ARF5: variants seen among roughly 807,000 people sequenced by gnomAD.
ARF5 encodes the protein ARF GTPase 5, also known as ADP-ribosylation factor 5.
Under a neutral mutation model 24.8 loss-of-function variants are expected in ARF5, and 10 were observed. That is an observed-to-expected ratio of 0.40 (90% CI 0.25 to 0.68). The LOEUF (loss-of-function observed/expected upper bound fraction) is 0.68, where lower values mean the gene tolerates loss of function less well. Among genes scored for constraint, ARF5 ranks in the 30% least tolerant of loss-of-function variants. The probability of loss-of-function intolerance (pLI) is 0.36; values close to 1 mark genes in which losing one functional copy is unlikely to be tolerated. For missense variants in ARF5, 135 were observed against 239.2 expected, an observed-to-expected ratio of 0.56 and a Z score of 2.87; for synonymous variants, 102 against 95.1, an observed-to-expected ratio of 1.07 and a Z score of -0.42.
intron 2 of ARF5, 49 bp downstream of exon 2, chr7:127,589,212 G>C: frequency 6.3e-7 from 1 of 1,594,992 alleles, no homozygotes; most frequent in Non-Finnish European, 8.6e-7. Flanking sequence ...GCGGGCCCTC[G>C]CGGGGTCTGC....
intron 2 of ARF5, 135 bp from the exon 3 acceptor site, chr7:127,589,350 G>T (rs1423345156): frequency 1.9e-5 from 20 of 1,054,190 alleles, no homozygotes; most frequent in East Asian, 4.9e-5. Flanking sequence ...CCTGTTGACC[G>T]CCAGTTCTGG....
Position 127,590,138 on chromosome 7 carries a change from G to A in ARF5, c.330+1G>A. On this transcript the variant is annotated splice_donor_variant, in intron 4 of 5. Transcript: ENST00000000233. LOFTEE classifies it high-confidence loss of function. Reference sequence around the variant, plus strand: ...ATCTGCTGATGAACTCCAGAAGATGGTGAGTACCCAGAGCCCTGGGAACTG... The same window carrying A: ...ATCTGCTGATGAACTCCAGAAGATGATGAGTACCCAGAGCCCTGGGAACTG... 2 of 1,613,416 alleles carry A rather than the reference G, an allele frequency of 1.2e-6. No individual in the cohort carries two copies. The highest frequency in any genetic ancestry group is 2.2e-5 in the East Asian group (1 of 44,868).
Position 127,590,240 on chromosome 7 carries a change from G to A in ARF5, c.330+103G>A, listed in dbSNP as rs560618337. 11 of 928,464 alleles carry A rather than the reference G, an allele frequency of 1.2e-5. No homozygotes were observed. In the East Asian group the frequency reaches 2.7e-4, roughly 23 times the overall value. 57.5% of individuals were successfully genotyped at this position (928,464 alleles called of 1,614,324 possible). A position where few individuals can be genotyped will look rare whatever the true frequency, so the allele number is the denominator to read the frequency against. ...AGCCCCCAACAGGCATTGAAGACCA[G>A]GAATATAAGTTTTTCTTTGTGGACA... is the stretch of plus-strand genomic sequence containing the variant. On this transcript the variant is annotated intron_variant, in intron 4 of 5. Coordinates refer to ENST00000000233, the MANE Select transcript of ARF5 (RefSeq NM_001662.4).
In ARF5 at chr7:127,589,521, G is replaced by C; in HGVS notation, c.185G>C (p.Cys62Ser). The C allele has an allele frequency of 6.2e-7, 1 of 1,613,424 alleles. No homozygotes were observed. Among genetic ancestry groups the C allele is most frequent in the African/African-American group, 1.3e-5 (1 of 74,944 alleles). The change falls in exon 3 of 6, where the codon TGT becomes TCT. Residue 62 changes from cysteine to serine, a missense_variant. By Grantham distance (112) the Cys-to-Ser change is moderately radical (BLOSUM62 -1). This residue lies in a region of ARF5 where 102 missense variants were observed against 160.9 expected (regional missense o/e 0.63). Transcript: ENST00000000233. Reference protein sequence around the residue: ...NVETVEYKNICFTVWDVGGQD... With the variant: ...NVETVEYKNISFTVWDVGGQD... ...GAAACAGTGGAATATAAGAACATCT[G>C]TTTCACAGTCTGGGACGTGGGAGGC...
intron 2 of ARF5, 39 bp from the exon 3 acceptor site, chr7:127,589,446 T>A: frequency 1.3e-6 from 2 of 1,518,150 alleles, no homozygotes; most frequent in Non-Finnish European, 1.8e-6. Context: ...TTCCTTTCTT[T>A]CAGGAGTTTT....
chr7:127,589,302 T>G, intron 2 of ARF5, 139 bp downstream of exon 2: 1 of 1,137,736 alleles, frequency 8.8e-7, no homozygotes, highest in Non-Finnish European at 1.3e-6. Context: ...TATCTCTACG[T>G]GGATACCGGA....
intron 2 of ARF5, 29 bp downstream of exon 2, chr7:127,589,192 GA>G (rs1794248578): frequency 6.2e-7 from 1 of 1,612,878 alleles, no homozygotes; most frequent in African/African-American, 1.3e-5. Flanking sequence ...CAGGGAGCGG[GA>G]GCGCCGCGGC....
intron 4 of ARF5, 29 bp from the exon 5 acceptor site, chr7:127,590,934 G>T (rs1562954158): frequency 6.2e-7 from 1 of 1,603,186 alleles, no homozygotes; most frequent in Non-Finnish European, 8.5e-7. Flanking sequence ...GACGCAGCCT[G>T]GGTCCCACCT....
At chr7:127,589,850 A>G in intron 3 of ARF5, 1 of 608,974 alleles carries the variant, frequency 1.6e-6, no homozygotes, top group Non-Finnish European at 2.9e-6. Flanking sequence ...ATTTCCTTGC[A>G]CATCTTTGGA....
rs1426450500 is a variant in ARF5, at chr7:127,589,064, G to A, written c.68-19G>A. 10 of 1,614,050 alleles carry A rather than the reference G, an allele frequency of 6.2e-6. No homozygotes were observed. Among genetic ancestry groups the A allele is most frequent in the Non-Finnish European group, 8.5e-6 (10 of 1,179,894 alleles). Reference sequence around the variant, plus strand: ...CTCCCTCGCTCCCATCTCCATCCCTGTGCCCCTTTCCGTTGCAGTTGGCTT... The same window carrying A: ...CTCCCTCGCTCCCATCTCCATCCCTATGCCCCTTTCCGTTGCAGTTGGCTT... On this transcript the variant is annotated intron_variant, in intron 1 of 5. Coordinates refer to ENST00000000233, the MANE Select transcript of ARF5 (RefSeq NM_001662.4).
At chr7:127,590,436 A>G (rs954201681) in intron 4 of ARF5, among the ~76,000 whole-genome samples, 1 of 151,636 alleles carries the variant, frequency 6.6e-6, no homozygotes, top group African/African-American at 2.4e-5. Flanking sequence ...GGGTTCAAGC[A>G]ATTCTCCTGC....
rs1415810419 is a variant in ARF5, at chr7:127,588,462, C to T, written c.-37C>T. 13 of 1,396,050 alleles carry T rather than the reference C, an allele frequency of 9.3e-6. No homozygotes were observed. The South Asian group carries it at 1.2e-4, about 13-fold the overall frequency. 86.5% of individuals were successfully genotyped at this position (1,396,050 alleles called of 1,614,324 possible). ...GCGGCCGGCCAGTTCCAGCCCGCAC[C>T]CCGCGTCGGTGCCCGCGCCCCTCCC... On this transcript the variant is annotated 5_prime_UTR_variant, in exon 1 of 6. Transcript: ENST00000000233.
At chr7:127,589,240 T>C in intron 2 of ARF5, 77 bp downstream of exon 2, 1 of 1,511,140 alleles carries the variant, frequency 6.6e-7, no homozygotes, top group Non-Finnish European at 9.2e-7. Context: ...TCTGCCACTT[T>C]TCTGGAGCTG....
chr7:127,589,305 A>G, intron 2 of ARF5, 142 bp downstream of exon 2: 1 of 1,138,584 alleles, frequency 8.8e-7, no homozygotes, highest in Non-Finnish European at 1.3e-6. Flanking sequence ...CTCTACGTGG[A>G]TACCGGAGGC....
Position 127,591,104 on chromosome 7 carries a change from A to G in ARF5, c.456+16A>G, listed in dbSNP as rs1408900787. 2.9e-5 allele frequency: 47 copies of G among 1,613,510 alleles called. No individual in the cohort carries two copies. Among genetic ancestry groups the G allele is most frequent in the Non-Finnish European group, 4.0e-5 (47 of 1,179,794 alleles). On this transcript the variant is annotated intron_variant, in intron 5 of 5. Coordinates refer to ENST00000000233, the MANE Select transcript of ARF5 (RefSeq NM_001662.4). Reference sequence around the variant, plus strand: ...CAGCCGCACGGTAGGGGTCCTGCCCACCTGGTGCTGAATCCTGCCTCTTGA... The same window carrying G: ...CAGCCGCACGGTAGGGGTCCTGCCCGCCTGGTGCTGAATCCTGCCTCTTGA...
rs192153447 is a variant in ARF5, at chr7:127,591,374, C to T, written c.*75C>T. On this transcript the variant is annotated 3_prime_UTR_variant, in exon 6 of 6. Transcript: ENST00000000233. ...GGGATGACCAGACTCCCGGACTCCTCAGGCAGTGCCCTTTCCTCCCACTTT... is the reference window on the plus strand; with the variant it reads ...GGGATGACCAGACTCCCGGACTCCTTAGGCAGTGCCCTTTCCTCCCACTTT... The T allele has an allele frequency of 6.4e-5, 84 of 1,308,290 alleles. No individual in the cohort carries two copies. The African/African-American group carries it at 1.2e-3, about 18-fold the overall frequency. 81.0% of individuals were successfully genotyped at this position (1,308,290 alleles called of 1,614,324 possible).
intron 3 of ARF5, 156 bp from the exon 4 acceptor site, chr7:127,589,910 T>C (rs1794258816): frequency 2.8e-6 from 2 of 702,272 alleles, no homozygotes; most frequent in Non-Finnish European, 2.5e-6. Flanking sequence ...CCATGACTCC[T>C]GTAGAGCTTC....
chr7:127,589,705 C>T (rs1794256389), intron 3 of ARF5, 111 bp downstream of exon 3: 7 of 780,048 alleles, frequency 9.0e-6, no homozygotes, highest in Non-Finnish European at 1.5e-5. Flanking sequence ...AACCCTTCCC[C>T]ACTTCTACCC....
intron 2 of ARF5, 23 bp from the exon 3 acceptor site, chr7:127,589,462 C>G: frequency 6.4e-7 from 1 of 1,568,852 alleles, no homozygotes; most frequent in Non-Finnish European, 8.8e-7. Flanking sequence ...GTTTTCTCAT[C>G]TTTTTTTTCC....
Sources: allele counts gnomAD v4.1 joint callset (sites outside exome capture counted in the v4.1 genomes callset), GRCh38; gene constraint gnomAD v4.1.1; regional missense constraint gnomAD v4.1.1; transcripts MANE v1.5; gene names NCBI Gene and HGNC (gene_info 2026-07-23, HGNC 2026-07-21).